The following CACNA1D variants were observed in gnomAD, a reference collection of about 807,000 sequenced individuals.
CACNA1D encodes the protein voltage-dependent L-type calcium channel subunit alpha-1D.
Under a neutral mutation model 257.1 loss-of-function variants are expected in CACNA1D, and 55 were observed. The ratio of observed to expected loss-of-function variants is 0.21; its 90% CI spans 0.17 to 0.27. The LOEUF (loss-of-function observed/expected upper bound fraction) is 0.27. Ranked by LOEUF, CACNA1D falls within the 10% of genes least tolerant of loss-of-function variation. CACNA1D has a pLI of 1.00. For synonymous variants in CACNA1D, 980 were observed against 1,014.9 expected (o/e 0.97, Z 0.65); for missense variants, 1,876 against 2,784.0 (o/e 0.67, Z 7.34).
chr3:53,500,016 A>G (rs1420049945), intron 2 of CACNA1D, among the ~76,000 whole-genome samples: 1 of 152,138 alleles, frequency 6.6e-6, no homozygotes, highest in Non-Finnish European at 1.5e-5. Context: ...CATCAAAATT[A>G]GTAAGGGAAT....
chr3:53,629,036 A>G (rs1576154553), intron 3 of CACNA1D, among the ~76,000 whole-genome samples: 1 of 152,226 alleles, frequency 6.6e-6, no homozygotes, highest in African/African-American at 2.4e-5. Flanking sequence ...ATTGAATAGT[A>G]AATATTCTAG....
chr3:53,614,142 AAGAG>A (rs879509047), intron 3 of CACNA1D, among the ~76,000 whole-genome samples: 4 of 151,478 alleles, frequency 2.6e-5, no homozygotes, highest in Admixed American at 6.6e-5. Flanking sequence ...AAAAAAAAAA[AAGAG>A]AGACAAGAAA....
At position 53,598,099 on chromosome 3, in the gene CACNA1D, T is replaced by G. The variant is rs545987901; in HGVS notation, c.484-52680T>G. ...CTCTAAAATGTGCTTCTCTCTCCAT[T>G]AGGTTGGCTCATCAGTCAGATTCTG... On this transcript the variant is annotated intron_variant, in intron 3 of 47. Coordinates refer to ENST00000350061, the MANE Select transcript of CACNA1D (RefSeq NM_001128840.3). Among the ~76,000 whole-genome samples, 427 of 152,244 alleles carry G rather than the reference T, an allele frequency of 2.8e-3. 2 individuals are homozygous for G. The highest frequency in any genetic ancestry group is 8.3e-3 in the African/African-American group (343 of 41,540).
chr3:53,749,208 G>A (rs1576548380), intron 26 of CACNA1D, 60 bp from the exon 27 acceptor site: 59 of 1,220,794 alleles, frequency 4.8e-5, no homozygotes, highest in Non-Finnish European at 6.9e-5. Flanking sequence ...GGAAGGCAGC[G>A]GGCTGGGCCG....
chr3:53,808,283 G>A (rs530916011), intron 45 of CACNA1D: 22 of 260,880 alleles, frequency 8.4e-5, no homozygotes, highest in Admixed American at 1.0e-4. Context: ...GCGTGGTGGC[G>A]GGCGCCTGTA....
chr3:53,745,547 G>A (rs2095160060), intron 23 of CACNA1D, 77 bp from the exon 24 acceptor site: 1 of 912,326 alleles, frequency 1.1e-6, no homozygotes, highest in Admixed American at 1.8e-5. Flanking sequence ...GGCCAACACA[G>A]AAACTGTCGG....
At chr3:53,637,039 CT>C (rs199713851) in intron 3 of CACNA1D, among the ~76,000 whole-genome samples, 22 of 151,420 alleles carry the variant, frequency 1.5e-4, no homozygotes, top group Non-Finnish European at 2.7e-4. Flanking sequence ...TTTCCTCGCT[CT>C]TTTTTTTTCA....
Position 53,614,081 on chromosome 3 carries a change from T to C in CACNA1D, c.484-36698T>C, listed in dbSNP as rs1434631629. Among the ~76,000 whole-genome samples, 26 of 131,844 alleles carry C rather than the reference T, an allele frequency of 2.0e-4. No homozygotes were observed. The Admixed American group carries it at 2.2e-3, about 11-fold the overall frequency. 86.5% of individuals were successfully genotyped at this position (131,844 alleles called of 152,430 possible). Reference sequence around the variant, plus strand: ...CCAAGGTGGGAGGGTCACTTGAGCCTAGGAGTTCAAGACCAGCCTAGGCAA... The same window carrying C: ...CCAAGGTGGGAGGGTCACTTGAGCCCAGGAGTTCAAGACCAGCCTAGGCAA... On this transcript the variant is annotated intron_variant, in intron 3 of 47. Coordinates refer to ENST00000350061, the MANE Select transcript of CACNA1D (RefSeq NM_001128840.3).
At chr3:53,527,811 AT>A (rs2091819106) in intron 3 of CACNA1D, among the ~76,000 whole-genome samples, 1 of 152,196 alleles carries the variant, frequency 6.6e-6, no homozygotes, top group Non-Finnish European at 1.5e-5. Flanking sequence ...TATTATTAGT[AT>A]TTTTATAGGT....
At chr3:53,736,422 A>G (rs1192726450) in intron 20 of CACNA1D, among the ~76,000 whole-genome samples, 1 of 152,236 alleles carries the variant, frequency 6.6e-6, no homozygotes, top group East Asian at 1.9e-4. Flanking sequence ...TGATTATGTT[A>G]TATATTTCAC....
chr3:53,811,487 GT>G lies in CACNA1D; in HGVS notation c.*84del. Reference sequence around the variant, plus strand: ...GGAAAAGTGCCTCATAGTTAGGAAAGTTTAGGCACTAGTTGGGAGTAATATT... The same window carrying G: ...GGAAAAGTGCCTCATAGTTAGGAAAGTTAGGCACTAGTTGGGAGTAATATT... On this transcript the variant is annotated 3_prime_UTR_variant, in exon 48 of 48. Transcript: ENST00000350061. This position sits in a 1 kb window ranked among gnomAD's most constrained non-coding sequence, Gnocchi z 4.2. 1 of 1,164,978 alleles carries G rather than the reference GT, an allele frequency of 8.6e-7. No individual in the cohort carries two copies. Among genetic ancestry groups the G allele is most frequent in the Non-Finnish European group, 1.2e-6 (1 of 838,040 alleles). The allele number at this position is 1,164,978 out of a possible 1,614,324, so 72.2% of individuals were successfully genotyped here.
chr3:53,498,775 T>C lies in CACNA1D; in HGVS notation c.377+1314T>C, dbSNP rs35506630. ...GACAGGAGTTAAAATGAGGTAACTG[T>C]CTAGAAAGATTTTGGAGAGAGCAGC... is the stretch of plus-strand genomic sequence containing the variant. On this transcript the variant is annotated intron_variant, in intron 2 of 47. Transcript: ENST00000350061. Among the ~76,000 whole-genome samples the C allele has an allele frequency of 2.4e-4, 37 of 152,184 alleles. 1 individual carries two copies. Among genetic ancestry groups the C allele is most frequent in the Non-Finnish European group, 8.8e-5 (6 of 68,028 alleles).
At chr3:53,671,771 G>A (rs957005951) in intron 7 of CACNA1D, among the ~76,000 whole-genome samples, 16 of 152,042 alleles carry the variant, frequency 1.1e-4, no homozygotes, top group African/African-American at 3.1e-4. Context: ...TTGGCTTCTC[G>A]AGGCAAACAT....
In CACNA1D at chr3:53,718,489, C is replaced by T. The variant is rs1023329702; in HGVS notation, c.1478+101C>T. 29 of 1,197,910 alleles carry T rather than the reference C, an allele frequency of 2.4e-5. No individual in the cohort carries two copies. In the African/African-American group the frequency reaches 3.4e-4, roughly 14 times the overall value. 74.2% of individuals were successfully genotyped at this position (1,197,910 alleles called of 1,614,324 possible). On this transcript the variant is annotated intron_variant, in intron 10 of 47. Transcript: ENST00000350061. ...GCTGCAGCAGAGCCCCGGGCCATCG[C>T]CTTGGGTGTGGCGGGTGGGAAGGCT...
In CACNA1D at chr3:53,774,242, C is replaced by A; in HGVS notation, c.4111-345C>A. On this transcript the variant is annotated intron_variant, in intron 33 of 47. Transcript: ENST00000350061. The surrounding 1 kb of genome is among the most constrained non-coding windows in gnomAD (Gnocchi z 4.3). ...CCCTAGAGGCCTTCCCTGACCCAGC[C>A]CCCCAGCCTTCAGTAGATGAGCCTG... is the stretch of plus-strand genomic sequence containing the variant. 2 of 327,892 alleles carry A rather than the reference C, an allele frequency of 6.1e-6. No homozygotes were observed. Among genetic ancestry groups the A allele is most frequent in the South Asian group, 3.1e-5 (1 of 32,688 alleles). The allele number at this position is 327,892 out of a possible 1,614,324, so 20.3% of individuals were successfully genotyped here. A position where few individuals can be genotyped will look rare whatever the true frequency, so the allele number is the denominator to read the frequency against.
intron 3 of CACNA1D, among the ~76,000 whole-genome samples, chr3:53,524,834 T>C (rs1008256063): frequency 1.3e-5 from 2 of 152,236 alleles, no homozygotes; most frequent in African/African-American, 4.8e-5. Flanking sequence ...ACTCACTCAC[T>C]TGAGCCATGA....
chr3:53,615,168 A>G (rs1576097009), intron 3 of CACNA1D, among the ~76,000 whole-genome samples: 1 of 152,168 alleles, frequency 6.6e-6, no homozygotes, highest in African/African-American at 2.4e-5. Flanking sequence ...CCCTGCTCTC[A>G]GCCCCATCAC....
At chr3:53,543,946 C>T (rs62251868) in intron 3 of CACNA1D, among the ~76,000 whole-genome samples, 25,461 of 152,180 alleles carry the variant, frequency 0.17, 2,621 homozygotes, top group Non-Finnish European at 0.24. Context: ...TATTTCTACA[C>T]ACAGATTTGC....
At chr3:53,616,325 G>A (rs889681011) in intron 3 of CACNA1D, among the ~76,000 whole-genome samples, 3 of 152,232 alleles carry the variant, frequency 2.0e-5, no homozygotes, top group African/African-American at 7.2e-5. Context: ...CCTAGAGGCA[G>A]TGCTCATTCT....
Sources: allele counts gnomAD v4.1 joint callset (sites outside exome capture counted in the v4.1 genomes callset), GRCh38; gene constraint gnomAD v4.1.1; non-coding constraint Gnocchi (gnomAD v3.1); transcripts MANE v1.5; gene names NCBI Gene and HGNC (gene_info 2026-07-23, HGNC 2026-07-21).